PCDHGB2: variants seen among roughly 807,000 people sequenced by gnomAD.
PCDHGB2 encodes the protein protocadherin gamma subfamily B, 2, also known as protocadherin gamma-B2.
A neutral mutation model predicts 59.3 loss-of-function variants in PCDHGB2; 55 were observed. The ratio of observed to expected loss-of-function variants is 0.93; its 90% CI spans 0.75 to 1.16. The LOEUF (loss-of-function observed/expected upper bound fraction) is 1.16. PCDHGB2 is among the 50% of genes most tolerant of loss of function. The probability of loss-of-function intolerance (pLI) is 0.00; values close to 1 mark genes in which losing one functional copy is unlikely to be tolerated. For missense variants in PCDHGB2, 1,228 were observed against 1,198.5 expected, an observed-to-expected ratio of 1.02 and a Z score of -0.36; for synonymous variants, 516 against 512.0, an observed-to-expected ratio of 1.01 and a Z score of -0.11.
At position 141,486,141 on chromosome 5, in the gene PCDHGB2, G is replaced by A. The variant is rs369317501; in HGVS notation, c.2422-8666G>A. 28 of 1,614,066 alleles carry A rather than the reference G, an allele frequency of 1.7e-5. No homozygotes were observed. The highest frequency in any genetic ancestry group is 2.3e-5 in the Non-Finnish European group (27 of 1,180,044). On this transcript the variant is annotated intron_variant, in intron 1 of 3. Transcript: ENST00000522605. This position sits in a 1 kb window ranked among gnomAD's most constrained non-coding sequence, Gnocchi z 5.0. ...TACTATGAATTTGATGTGCGGGCTC[G>A]CGATGGGGGTTCTCCAGCCATGGAG...
In PCDHGB2 at chr5:141,485,896, C is replaced by T; in HGVS notation, c.2422-8911C>T. On this transcript the variant is annotated intron_variant, in intron 1 of 3. Coordinates refer to ENST00000522605, the MANE Select transcript of PCDHGB2 (RefSeq NM_018923.3). The surrounding 1 kb of genome is among the most constrained non-coding windows in gnomAD (Gnocchi z 5.7). ...TGGACGTAAACGACAACGCCCCAGC[C>T]TTCCAGCAATCCAGCTACAGGATTA... 6.2e-7 allele frequency: 1 copy of T among 1,614,190 alleles called. No individual in the cohort carries two copies. The highest frequency in any genetic ancestry group is 8.5e-7 in the Non-Finnish European group (1 of 1,180,042).
intron 1 of PCDHGB2, among the ~76,000 whole-genome samples, chr5:141,450,485 TTGTC>T (rs1466269978): frequency 1.3e-5 from 2 of 152,158 alleles, no homozygotes; most frequent in African/African-American, 2.4e-5. Flanking sequence ...GTTTGTTTGT[TTGTC>T]TGTTTGTTTG....
intron 1 of PCDHGB2, among the ~76,000 whole-genome samples, chr5:141,457,912 C>T (rs991917175): frequency 1.3e-5 from 2 of 152,120 alleles, no homozygotes; most frequent in African/African-American, 4.8e-5. Context: ...GGTGTGAGGC[C>T]AGTTCTCCCC....
chr5:141,505,468 G>A lies in PCDHGB2; in HGVS notation c.2556G>A (p.Leu852=). 1 of 1,614,212 alleles carries A rather than the reference G, an allele frequency of 6.2e-7. No homozygotes were observed. Among genetic ancestry groups the A allele is most frequent in the Non-Finnish European group, 8.5e-7 (1 of 1,180,020 alleles). The change falls in exon 3 of 4, where the codon TTG becomes TTA. Residue 852 remains leucine (L), a synonymous_variant. Coordinates refer to ENST00000522605, the MANE Select transcript of PCDHGB2 (RefSeq NM_018923.3). The stretch of plus-strand genomic sequence containing the variant: ...CAGAGATGCTGCAAGCCATGATCTT[G>A]GCGTCCGCCAGTGGTAAGTGGTGTC... The part of the protein sequence containing the change: ...FDTEMLQAMI[L]ASASEAADGS...
At chr5:141,488,198 G>C (rs1007623840) in intron 1 of PCDHGB2, among the ~76,000 whole-genome samples, 1 of 152,166 alleles carries the variant, frequency 6.6e-6, no homozygotes, top group Non-Finnish European at 1.5e-5. Flanking sequence ...CTGGGTCTTA[G>C]GACTCATATC....
chr5:141,438,627 TATATATATACAC>T (rs1324653166), intron 1 of PCDHGB2, among the ~76,000 whole-genome samples: 191 of 47,978 alleles, frequency 4.0e-3, no homozygotes, highest in African/African-American at 0.016. Flanking sequence ...TATATATATA[TATATATATACAC>T]ACACACACAC....
At chr5:141,374,379 G>T in intron 1 of PCDHGB2, 11 of 1,614,042 alleles carry the variant, frequency 6.8e-6, no homozygotes, top group Non-Finnish European at 9.3e-6. Flanking sequence ...TGTGCTCAGA[G>T]CCCGCGGTGT....
In PCDHGB2 at chr5:141,378,437, C is replaced by T. The variant is rs146402003; in HGVS notation, c.2421+15881C>T. ...ACTCGGGAGGCTGAGGCAGGAGAAT[C>T]GCTTGAACCCATGAGGCAGAGGTTG... On this transcript the variant is annotated intron_variant, in intron 1 of 3. Transcript: ENST00000522605. 592 of 152,418 alleles carry T rather than the reference C, an allele frequency of 3.9e-3. 6 individuals are homozygous for T. The highest frequency in any genetic ancestry group is 0.011 in the Admixed American group (171 of 15,310). The allele number at this position is 152,418 out of a possible 1,614,324, so 9.4% of individuals were successfully genotyped here.
chr5:141,440,918 A>C (rs2154559108), intron 1 of PCDHGB2: 1 of 152,384 alleles, frequency 6.6e-6, no homozygotes, highest in Admixed American at 6.5e-5. Context: ...TCCTGTGCTG[A>C]GAGTGAGGGC....
chr5:141,468,677 T>A (rs545029270), intron 1 of PCDHGB2: 1 of 150,902 alleles, frequency 6.6e-6, no homozygotes, highest in African/African-American at 2.4e-5. Flanking sequence ...CCATCCTGGC[T>A]AACACGGTGA....
chr5:141,441,836 C>T (rs1026890754), intron 1 of PCDHGB2: 2 of 354,006 alleles, frequency 5.6e-6, no homozygotes, highest in Non-Finnish European at 1.1e-5. Flanking sequence ...AATGGCTTCG[C>T]GCTCTTGGAT....
rs1485715812 is a variant in PCDHGB2, at chr5:141,485,804, G to T, written c.2422-9003G>T. The T allele has an allele frequency of 6.2e-7, 1 of 1,614,218 alleles. No individual in the cohort carries two copies. The highest frequency in any genetic ancestry group is 1.7e-5 in the Admixed American group (1 of 60,026). ...AGAGAAGCAATCGGACTACCGCCTG[G>T]TGCTGACTGCTGTCGATGGAGGGAA... On this transcript the variant is annotated intron_variant, in intron 1 of 3. Coordinates refer to ENST00000522605, the MANE Select transcript of PCDHGB2 (RefSeq NM_018923.3). This position sits in a 1 kb window ranked among gnomAD's most constrained non-coding sequence, Gnocchi z 5.7.
chr5:141,361,167 A>C lies in PCDHGB2; in HGVS notation c.1032A>C (p.Ala344=). 6.2e-7 allele frequency: 1 copy of C among 1,613,990 alleles called. No homozygotes were observed. Among genetic ancestry groups the C allele is most frequent in the South Asian group, 1.1e-5 (1 of 91,082 alleles). The change falls in exon 1 of 4, where the codon GCA becomes GCC. Residue 344 remains alanine, a synonymous_variant. Transcript: ENST00000522605. The part of the protein sequence containing the change: ...QVEILDDNDC[A]PEVIVTSVST... ...AAATTCTTGATGACAACGATTGTGC[A>C]CCTGAAGTTATTGTGACTTCAGTAT...
chr5:141,443,588 A>T (rs1479393074), intron 1 of PCDHGB2, among the ~76,000 whole-genome samples: 3 of 152,240 alleles, frequency 2.0e-5, no homozygotes, highest in Non-Finnish European at 4.4e-5. Context: ...CTAAAACAGA[A>T]TGTGGTATAT....
chr5:141,384,606 A>G (rs770325322), intron 1 of PCDHGB2: 1 of 1,614,152 alleles, frequency 6.2e-7, no homozygotes, highest in Admixed American at 1.7e-5. Context: ...CCCTCCCCAC[A>G]GATGGTTCTA....
At chr5:141,502,925 C>T (rs962871271) in intron 2 of PCDHGB2, among the ~76,000 whole-genome samples, 5 of 145,518 alleles carry the variant, frequency 3.4e-5, no homozygotes, top group Non-Finnish European at 5.9e-5. Flanking sequence ...GCAGTGGCAA[C>T]CTTCACCTCC....
chr5:141,419,831 G>A, intron 1 of PCDHGB2: 5 of 1,614,048 alleles, frequency 3.1e-6, no homozygotes, highest in Non-Finnish European at 4.2e-6. Context: ...TTCAGCCACT[G>A]CCACGCTGCA....
At chr5:141,418,646 A>C (rs986717136) in intron 1 of PCDHGB2, 2 of 1,614,010 alleles carry the variant, frequency 1.2e-6, no homozygotes, top group Admixed American at 3.3e-5. Context: ...CTCCATCCTG[A>C]GAGTGAAGGC....
chr5:141,430,643 T>G (rs1432236231), intron 1 of PCDHGB2: 16 of 946,950 alleles, frequency 1.7e-5, no homozygotes, highest in South Asian at 2.5e-5. Flanking sequence ...CCTGGGAGTA[T>G]GTGGAAACAA....
Sources: allele counts gnomAD v4.1 joint callset (sites outside exome capture counted in the v4.1 genomes callset), GRCh38; gene constraint gnomAD v4.1.1; non-coding constraint Gnocchi (gnomAD v3.1); transcripts MANE v1.5; gene names NCBI Gene and HGNC (gene_info 2026-07-23, HGNC 2026-07-21).